Variants in GARNL3 observed in about 807,000 individuals in gnomAD.
GARNL3 encodes GTPase-activating Rap/Ran-GAP domain-like protein 3.
A neutral mutation model predicts 125.0 loss-of-function variants in GARNL3; 63 were observed. The ratio of observed to expected loss-of-function variants is 0.50; its 90% CI spans 0.41 to 0.62. The LOEUF (loss-of-function observed/expected upper bound fraction) is 0.62. GARNL3 is among the 20% of genes least tolerant of loss of function. The probability of loss-of-function intolerance (pLI) is 0.00; values close to 1 mark genes in which losing one functional copy is unlikely to be tolerated. For synonymous variants in GARNL3, 439 were observed against 457.5 expected, an observed-to-expected ratio of 0.96 and a Z score of 0.52; for missense variants, 994 against 1,244.0, an observed-to-expected ratio of 0.80 and a Z score of 3.02.
chr9:127,377,533 T>A (rs1831986609), intron 22 of GARNL3, among the ~76,000 whole-genome samples: 1 of 152,152 alleles, frequency 6.6e-6, no homozygotes, highest in African/African-American at 2.4e-5. Context: ...ACACCCGTAA[T>A]CCCAGCACTT....
intron 1 of GARNL3, among the ~76,000 whole-genome samples, chr9:127,230,965 T>G (rs2062989875): frequency 8.9e-6 from 1 of 112,282 alleles, no homozygotes. Context: ...GATATATATG[T>G]GTGTGTGTGT....
chr9:127,286,508 T>C (rs2064252523), intron 1 of GARNL3, among the ~76,000 whole-genome samples: 1 of 152,232 alleles, frequency 6.6e-6, no homozygotes. Flanking sequence ...TTCTCTGTTT[T>C]TCATAATCAT....
At position 127,367,582 on chromosome 9, in the gene GARNL3, T is replaced by TGTCTATTTTTATTTTTTTTACCAGA. The variant is rs1831353385; in HGVS notation, c.2161+2216_2161+2217insGTCTATTTTTATTTTTTTTACCAGA. ...TTGGGTTTTTTAAATAATTAAACTCTATTTTTATTACCAGAATCTGTCTTT... is the reference window on the plus strand; with the variant it reads ...TTGGGTTTTTTAAATAATTAAACTCTGTCTATTTTTATTTTTTTTACCAGAATTTTTATTACCAGAATCTGTCTTT... On this transcript the variant is annotated intron_variant, in intron 22 of 27. Transcript: ENST00000373387. Among the ~76,000 whole-genome samples the TGTCTATTTTTATTTTTTTTACCAGA allele has an allele frequency of 1.3e-5, 2 of 152,220 alleles. 1 individual carries two copies. Among genetic ancestry groups the TGTCTATTTTTATTTTTTTTACCAGA allele is most frequent in the South Asian group, 4.1e-4 (2 of 4,836 alleles).
chr9:127,342,552 A>G (rs1829917661), intron 14 of GARNL3, among the ~76,000 whole-genome samples: 1 of 152,154 alleles, frequency 6.6e-6, no homozygotes, highest in African/African-American at 2.4e-5. Context: ...GATTTCCAGA[A>G]AGCCAGGGCC....
intron 15 of GARNL3, among the ~76,000 whole-genome samples, chr9:127,344,609 C>T (rs983093203): frequency 3.3e-5 from 5 of 152,218 alleles, no homozygotes; most frequent in African/African-American, 4.8e-5. Flanking sequence ...GGGCCCCCCT[C>T]TTCCAGAGAA....
At chr9:127,234,916 C>T (rs1016149281) in intron 1 of GARNL3, among the ~76,000 whole-genome samples, 5 of 152,130 alleles carry the variant, frequency 3.3e-5, no homozygotes, top group Non-Finnish European at 5.9e-5. Flanking sequence ...AATACTACCA[C>T]GTTGGGGATT....
At chr9:127,237,399 C>T (rs1046848184) in intron 1 of GARNL3, among the ~76,000 whole-genome samples, 5 of 152,230 alleles carry the variant, frequency 3.3e-5, no homozygotes, top group African/African-American at 1.2e-4. Flanking sequence ...AGTTCCAAGT[C>T]AGAGTCTCTC....
At chr9:127,370,658 C>G (rs145235873) in intron 22 of GARNL3, among the ~76,000 whole-genome samples, 30 of 152,344 alleles carry the variant, frequency 2.0e-4, no homozygotes, top group Middle Eastern at 6.8e-3. Context: ...GCTGTCCACT[C>G]TCCTTTTCAG....
chr9:127,345,384 G>C lies in GARNL3; in HGVS notation c.1357-19G>C. The C allele has an allele frequency of 1.3e-6, 2 of 1,535,178 alleles. No homozygotes were observed. The highest frequency in any genetic ancestry group is 1.2e-5 in the South Asian group (1 of 81,980). On this transcript the variant is annotated intron_variant, in intron 15 of 27. Coordinates refer to ENST00000373387, the MANE Select transcript of GARNL3 (RefSeq NM_032293.5). ...TTTTGCCGCCTAGTAAACTTTAATA[G>C]AGATCTCTGTTCTGTAAGGCACTAA...
intron 4 of GARNL3, 74 bp downstream of exon 4, chr9:127,313,633 G>A: frequency 1.0e-6 from 1 of 997,996 alleles, no homozygotes; most frequent in East Asian, 2.4e-5. Context: ...CTGTGGAACT[G>A]TGTGCCAGTT....
intron 1 of GARNL3, among the ~76,000 whole-genome samples, chr9:127,288,155 A>G (rs2131359805): frequency 6.6e-6 from 1 of 152,344 alleles, no homozygotes; most frequent in East Asian, 1.9e-4. Flanking sequence ...ATAATCATGC[A>G]GAGAAATGTA....
intron 2 of GARNL3, among the ~76,000 whole-genome samples, chr9:127,295,847 A>G (rs115643315): frequency 0.038 from 5,785 of 152,234 alleles, 365 homozygotes; most frequent in African/African-American, 0.13. Context: ...AGATGGTTTC[A>G]GGATGATTCA....
intron 1 of GARNL3, among the ~76,000 whole-genome samples, chr9:127,238,199 G>A (rs1359433991): frequency 6.6e-6 from 1 of 152,128 alleles, no homozygotes; most frequent in African/African-American, 2.4e-5. Flanking sequence ...ATGTTGGCCA[G>A]GCTGATCTCG....
At chr9:127,357,513 T>A in intron 21 of GARNL3, 136 bp downstream of exon 21, 1 of 819,924 alleles carries the variant, frequency 1.2e-6, no homozygotes, top group Non-Finnish European at 1.9e-6. Flanking sequence ...TGTGATTCAC[T>A]ATTTAGACTG....
At chr9:127,301,231 A>G (rs557129117) in intron 2 of GARNL3, among the ~76,000 whole-genome samples, 1 of 152,286 alleles carries the variant, frequency 6.6e-6, no homozygotes, top group East Asian at 1.9e-4. Flanking sequence ...CAAAGTGCTC[A>G]GAACCGAACA....
intron 1 of GARNL3, among the ~76,000 whole-genome samples, chr9:127,231,006 A>G (rs2062992179): frequency 2.4e-5 from 3 of 126,050 alleles, no homozygotes; most frequent in African/African-American, 7.5e-5. Flanking sequence ...ATATACACAT[A>G]TGTGTATATA....
chr9:127,243,228 A>ACTAGAGTCCTGGG lies in GARNL3; in HGVS notation c.122_123insCTAGAGTCCTGGG (p.Glu41AspfsTer2). 1 of 1,366,612 alleles carries ACTAGAGTCCTGGG rather than the reference A, an allele frequency of 7.3e-7. No homozygotes were observed. Among genetic ancestry groups the ACTAGAGTCCTGGG allele is most frequent in the Non-Finnish European group, 9.8e-7 (1 of 1,021,862 alleles). The allele number at this position is 1,366,612 out of a possible 1,614,324, so 84.7% of individuals were successfully genotyped here. ...CAGACATGGCCAACGAAAGACCCTG[A>ACTAGAGTCCTGGG]ACTAGAGTCCCAGGTCAACCTGTAA... On this transcript the variant is annotated stop_gained and frameshift_variant, in exon 2 of 11. Coordinates refer to the GARNL3 transcript ENST00000439286. LOFTEE classifies it high-confidence loss of function.
chr9:127,267,886 A>G (rs915866359), intron 1 of GARNL3, among the ~76,000 whole-genome samples: 2 of 152,242 alleles, frequency 1.3e-5, no homozygotes, highest in East Asian at 1.9e-4. Context: ...AAATTTTAGC[A>G]TGAACTTCTC....
intron 4 of GARNL3, among the ~76,000 whole-genome samples, chr9:127,316,818 A>G (rs969134851): frequency 2.0e-5 from 3 of 152,184 alleles, no homozygotes; most frequent in Admixed American, 1.3e-4. Flanking sequence ...CAACGAGACC[A>G]TGGGCTTGGA....
Sources: allele counts gnomAD v4.1 joint callset (sites outside exome capture counted in the v4.1 genomes callset), GRCh38; gene constraint gnomAD v4.1.1; transcripts MANE v1.5; gene names NCBI Gene and HGNC (gene_info 2026-07-23, HGNC 2026-07-21).